SYN2: variants seen among roughly 807,000 people sequenced by gnomAD.
SYN2 encodes synapsin-2.
SYN2 carries 19 observed loss-of-function variants against 50.9 expected under a neutral mutation model. That is an observed-to-expected ratio of 0.37 (90% CI 0.26 to 0.55). The LOEUF (loss-of-function observed/expected upper bound fraction) is 0.55. Among genes scored for constraint, SYN2 ranks in the 20% least tolerant of loss-of-function variants. SYN2 has a pLI of 0.81. For missense variants in SYN2, 587 were observed against 576.4 expected (o/e 1.02, Z -0.19); for synonymous variants, 255 against 224.9 (o/e 1.13, Z -1.20).
chr3:12,059,937 C>T (rs902610109), intron 1 of SYN2, among the ~76,000 whole-genome samples: 1 of 152,130 alleles, frequency 6.6e-6, no homozygotes, highest in African/African-American at 2.4e-5. Flanking sequence ...ATCATCATAC[C>T]TAGCCTTGCT....
At chr3:12,150,014 A>C in intron 4 of SYN2, among the ~76,000 whole-genome samples, 1 of 152,208 alleles carries the variant, frequency 6.6e-6, no homozygotes, top group South Asian at 2.1e-4. Flanking sequence ...CAGAACAAGA[A>C]TCAGAAGATT....
chr3:12,148,400 A>C (rs6792867), intron 4 of SYN2, among the ~76,000 whole-genome samples: 7,550 of 152,282 alleles, frequency 0.05, 213 homozygotes, highest in Non-Finnish European at 0.066. Context: ...AGTTCATGGG[A>C]GTGGACAAAT....
At chr3:12,040,435 T>C (rs893952970) in intron 1 of SYN2, among the ~76,000 whole-genome samples, 56 of 147,824 alleles carry the variant, frequency 3.8e-4, no homozygotes, top group African/African-American at 5.0e-4. Context: ...TGTTTCTTTT[T>C]TTTTTTTTTT....
intron 1 of SYN2, among the ~76,000 whole-genome samples, chr3:12,089,877 C>A (rs1223845294): frequency 6.6e-6 from 1 of 152,046 alleles, no homozygotes; most frequent in East Asian, 1.9e-4. Flanking sequence ...GGATTCAAGA[C>A]TATTGAGATT....
At chr3:12,073,888 ATACT>A (rs762065610) in intron 1 of SYN2, among the ~76,000 whole-genome samples, 18 of 152,190 alleles carry the variant, frequency 1.2e-4, no homozygotes, top group Non-Finnish European at 2.2e-4. Context: ...AAATATTCAC[ATACT>A]TGGTAATTTT....
At chr3:12,074,619 G>A (rs561722265) in intron 1 of SYN2, among the ~76,000 whole-genome samples, 2 of 152,202 alleles carry the variant, frequency 1.3e-5, no homozygotes, top group East Asian at 1.9e-4. Context: ...ACTTGTTTTT[G>A]TATTCAAATT....
At chr3:12,069,829 CAG>C (rs986299941) in intron 1 of SYN2, among the ~76,000 whole-genome samples, 1 of 149,850 alleles carries the variant, frequency 6.7e-6, no homozygotes, top group African/African-American at 2.5e-5. Context: ...TTTTTTGAGA[CAG>C]AGTCTCTTTC....
intron 1 of SYN2, among the ~76,000 whole-genome samples, chr3:12,046,743 AAT>A (rs1694748434): frequency 6.6e-6 from 1 of 152,124 alleles, no homozygotes. Context: ...TAATATAAGA[AAT>A]ATTTAATAGA....
chr3:12,169,626 C>G (rs1172054557), intron 9 of SYN2, 131 bp from the exon 10 acceptor site: 9 of 984,052 alleles, frequency 9.1e-6, no homozygotes, highest in African/African-American at 1.6e-5. Context: ...ACACTTCCAG[C>G]TGAAGAGAAG....
At chr3:12,017,583 T>C (rs528347616) in intron 1 of SYN2, among the ~76,000 whole-genome samples, 52 of 152,382 alleles carry the variant, frequency 3.4e-4, no homozygotes, top group African/African-American at 1.2e-3. Context: ...CTCTGAACTT[T>C]CTTCATCTAA....
At chr3:12,077,266 G>A (rs1695486508) in intron 1 of SYN2, among the ~76,000 whole-genome samples, 1 of 151,950 alleles carries the variant, frequency 6.6e-6, no homozygotes, top group Non-Finnish European at 1.5e-5. Context: ...CATGGCCATA[G>A]ATTTTAATCA....
intron 1 of SYN2, among the ~76,000 whole-genome samples, chr3:12,095,568 A>G (rs1473210655): frequency 8.0e-6 from 1 of 124,696 alleles, no homozygotes; most frequent in Non-Finnish European, 1.6e-5. Flanking sequence ...AAAAAAAAAA[A>G]AAAAAGGACC....
chr3:12,069,134 T>C (rs1695283708), intron 1 of SYN2, among the ~76,000 whole-genome samples: 1 of 152,274 alleles, frequency 6.6e-6, no homozygotes, highest in Non-Finnish European at 1.5e-5. Flanking sequence ...CATTCCGTCA[T>C]GTCTGTACCA....
chr3:12,127,001 A>T (rs1343220802), intron 1 of SYN2, among the ~76,000 whole-genome samples: 1 of 152,190 alleles, frequency 6.6e-6, no homozygotes. Context: ...ATAGGTGCCT[A>T]ATCTAATGAA....
chr3:12,166,213 G>A (rs1697789555), intron 7 of SYN2, among the ~76,000 whole-genome samples: 1 of 152,216 alleles, frequency 6.6e-6, no homozygotes, highest in Admixed American at 6.5e-5. Context: ...CTCTCTAACA[G>A]TATTGAATGA....
intron 10 of SYN2, among the ~76,000 whole-genome samples, chr3:12,179,585 TCTA>T (rs1217936668): frequency 6.6e-6 from 1 of 152,120 alleles, no homozygotes; most frequent in African/African-American, 2.4e-5. Flanking sequence ...ATTTCAATCT[TCTA>T]CTAAGCCCTA....
intron 7 of SYN2, 65 bp from the exon 8 acceptor site, chr3:12,167,169 T>G: frequency 6.5e-7 from 1 of 1,536,304 alleles, no homozygotes. Flanking sequence ...TTCTGGAAAG[T>G]TGCATGCCCT....
At chr3:12,067,355 CT>C (rs1189701360) in intron 1 of SYN2, among the ~76,000 whole-genome samples, 1 of 152,008 alleles carries the variant, frequency 6.6e-6, no homozygotes, top group African/African-American at 2.4e-5. Flanking sequence ...TAAACCTTTC[CT>C]TTCCTTGTAA....
At chr3:12,119,748 T>C (rs1260494961) in intron 1 of SYN2, among the ~76,000 whole-genome samples, 2 of 152,212 alleles carry the variant, frequency 1.3e-5, no homozygotes, top group Non-Finnish European at 2.9e-5. Flanking sequence ...GAAGCTTTGC[T>C]CCTTAGCTGC....
Sources: gnomAD v4.1 joint callset for allele counts (sites outside exome capture counted in the v4.1 genomes callset) on GRCh38, gnomAD v4.1.1 for gene constraint, MANE v1.5 for transcripts, NCBI Gene and HGNC (gene_info 2026-07-23, HGNC 2026-07-21) for gene names.